DOCK6: variants seen among roughly 807,000 people sequenced by gnomAD.
The protein encoded by DOCK6 is dedicator of cytokinesis protein 6.
A neutral mutation model predicts 230.3 loss-of-function variants in DOCK6; 167 were observed. The observed-to-expected ratio is 0.73, with a 90% CI of 0.64 to 0.82. DOCK6 has a LOEUF of 0.82. Among genes scored for constraint, DOCK6 ranks in the 40% least tolerant of loss-of-function variants. The pLI, the probability that DOCK6 is intolerant of heterozygous loss-of-function variation, is 0.00. For synonymous variants in DOCK6, 1,148 were observed against 1,185.0 expected (o/e 0.97, Z 0.64); for missense variants, 2,598 against 2,825.8 (o/e 0.92, Z 1.83).
At chr19:11,246,251 A>G (rs1296458380) in intron 7 of DOCK6, among the ~76,000 whole-genome samples, 1 of 150,966 alleles carries the variant, frequency 6.6e-6, no homozygotes, top group Non-Finnish European at 1.5e-5. Flanking sequence ...TGTTTTTAGT[A>G]GAGACAGGGT....
Position 11,262,442 on chromosome 19 carries a change from G to A in DOCK6, c.-2C>T, listed in dbSNP as rs1233745552. ...GGCGCGGCGCTCGGAGGCAGCCATG[G>A]TCCTCGCGTCCCGCCGCCGCCGCCC... On this transcript the variant is annotated 5_prime_UTR_variant, in exon 1 of 48. Transcript: ENST00000294618. 2.5e-6 allele frequency: 3 copies of A among 1,204,342 alleles called. No individual in the cohort carries two copies. The highest frequency in any genetic ancestry group is 3.1e-6 in the Non-Finnish European group (3 of 971,774). The allele number at this position is 1,204,342 out of a possible 1,614,324, so 74.6% of individuals were successfully genotyped here.
In DOCK6 at chr19:11,236,610, C is replaced by A; in HGVS notation, c.2161-33G>T. On this transcript the variant is annotated intron_variant, in intron 19 of 47. Coordinates refer to ENST00000294618, the MANE Select transcript of DOCK6 (RefSeq NM_020812.4). The surrounding 1 kb of genome is among the most constrained non-coding windows in gnomAD (Gnocchi z 5.2). The stretch of plus-strand genomic sequence containing the variant: ...GGGATGTGGAGTGAGCAGGGTGGGG[C>A]CTCAGGGAATGAAGACCACCCCTGC... 1.3e-6 allele frequency: 2 copies of A among 1,541,196 alleles called. No homozygotes were observed. Among genetic ancestry groups the A allele is most frequent in the East Asian group, 2.4e-5 (1 of 41,108 alleles).
rs888732523 is a variant in DOCK6 at position 11,218,915 on chromosome 19, G to C, written c.3551-1524C>G. ...TTTTTTTGAGGCGGAGTCTCACTCT[G>C]TTGCCCAGGCTGGAGTGCAGTAGAA... On this transcript the variant is annotated intron_variant, in intron 28 of 47. Coordinates refer to ENST00000294618, the MANE Select transcript of DOCK6 (RefSeq NM_020812.4). 4.5e-5 allele frequency among the ~76,000 whole-genome samples: 5 copies of C among 112,088 alleles called. No individual in the cohort carries two copies. The Admixed American group carries it at 6.5e-4, about 15-fold the overall frequency. 73.5% of individuals were successfully genotyped at this position (112,088 alleles called of 152,430 possible).
At chr19:11,218,721 T>G (rs568286171) in intron 28 of DOCK6, among the ~76,000 whole-genome samples, 2 of 152,138 alleles carry the variant, frequency 1.3e-5, no homozygotes, top group East Asian at 3.9e-4. Flanking sequence ...GTGCTGGGAT[T>G]ACAGGTATGA....
intron 6 of DOCK6, among the ~76,000 whole-genome samples, chr19:11,248,672 C>T (rs748259107): frequency 3.9e-5 from 6 of 152,090 alleles, no homozygotes; most frequent in South Asian, 2.1e-4. Context: ...CACTGAGGAC[C>T]GTGTGAGGGA....
At chr19:11,215,295 C>T (rs2079464500) in intron 32 of DOCK6, 92 bp downstream of exon 32, 1 of 1,178,280 alleles carries the variant, frequency 8.5e-7, no homozygotes. Context: ...CTATGTTGCC[C>T]AGGCTGGTCT....
At chr19:11,231,962 T>G (rs1204159730) in intron 22 of DOCK6, among the ~76,000 whole-genome samples, 1 of 152,204 alleles carries the variant, frequency 6.6e-6, no homozygotes, top group Admixed American at 6.5e-5. Context: ...CCCCTGTGCC[T>G]TCTGTCTCCA....
Position 11,202,432 on chromosome 19 carries a change from A to T in DOCK6, c.5413T>A (p.Ser1805Thr). 1 of 1,613,804 alleles carries T rather than the reference A, an allele frequency of 6.2e-7. No homozygotes were observed. The highest frequency in any genetic ancestry group is 8.5e-7 in the Non-Finnish European group (1 of 1,179,822). The change falls in exon 43 of 48, where the codon TCT becomes ACT. Residue 1805 changes from serine to threonine, a missense_variant. Coordinates refer to ENST00000294618, the MANE Select transcript of DOCK6 (RefSeq NM_020812.4). This position sits in a 1 kb window ranked among gnomAD's most constrained non-coding sequence, Gnocchi z 5.3. ...AGCTTGGACTTGTCCACAGGGTTAG[A>T]GTCTTTGATAATCTCAACGACGTCG... ...GDDVVEIIKD[S>T]NPVDKSKLDS...
intron 9 of DOCK6, among the ~76,000 whole-genome samples, chr19:11,244,746 A>G (rs1163462466): frequency 1.3e-5 from 2 of 152,006 alleles, no homozygotes; most frequent in African/African-American, 4.8e-5. Context: ...GGCGTGAGCC[A>G]CCGCGCCCAG....
chr19:11,256,686 T>C (rs2080202858), intron 1 of DOCK6, among the ~76,000 whole-genome samples: 1 of 152,186 alleles, frequency 6.6e-6, no homozygotes, highest in South Asian at 2.1e-4. Context: ...AAATTTTATT[T>C]ATTTTTTTGA....
intron 1 of DOCK6, among the ~76,000 whole-genome samples, chr19:11,254,683 A>G (rs1446700725): frequency 7.0e-6 from 1 of 143,796 alleles, no homozygotes; most frequent in Admixed American, 6.9e-5. Context: ...CTTTGTCTCG[A>G]AAAAAAAAAA....
intron 14 of DOCK6, chr19:11,241,483 C>T: frequency 6.4e-7 from 1 of 1,552,450 alleles, no homozygotes; most frequent in Non-Finnish European, 8.7e-7. Context: ...TATGGGCCCT[C>T]ACAGGCCACG....
At chr19:11,239,378 GTC>G (rs988988161) in intron 14 of DOCK6, among the ~76,000 whole-genome samples, 1 of 152,154 alleles carries the variant, frequency 6.6e-6, no homozygotes, top group African/African-American at 2.4e-5. Flanking sequence ...AGCATGGTGA[GTC>G]TCAGGAACTC....
At position 11,243,470 on chromosome 19, in the gene DOCK6, C is replaced by T; in HGVS notation, c.1259-85G>A. 5 of 1,545,366 alleles carry T rather than the reference C, an allele frequency of 3.2e-6. No individual in the cohort carries two copies. Among genetic ancestry groups the T allele is most frequent in the Non-Finnish European group, 4.4e-6 (5 of 1,146,552 alleles). On this transcript the variant is annotated intron_variant, in intron 11 of 47. Transcript: ENST00000294618. The surrounding 1 kb of genome is among the most constrained non-coding windows in gnomAD (Gnocchi z 6.3). Reference sequence around the variant, plus strand: ...GCGGCACAGTTCGGCCAGCAGAGGGCGCACCCCCTCGCCCCGTAGCCCCGC... The same window carrying T: ...GCGGCACAGTTCGGCCAGCAGAGGGTGCACCCCCTCGCCCCGTAGCCCCGC...
In DOCK6 at chr19:11,200,518, A is replaced by G; in HGVS notation, c.5940-49T>C. 6.3e-7 allele frequency: 1 copy of G among 1,587,740 alleles called. No homozygotes were observed. Among genetic ancestry groups the G allele is most frequent in the Non-Finnish European group, 8.6e-7 (1 of 1,167,546 alleles). ...GCTCAGAGACTCGCACACGGGACTG[A>G]AAGCAAGACTAGGGGTGGGGGCACC... On this transcript the variant is annotated intron_variant, in intron 46 of 47. Transcript: ENST00000294618. This position sits in a 1 kb window ranked among gnomAD's most constrained non-coding sequence, Gnocchi z 4.3.
chr19:11,208,872 C>T (rs781212745), intron 38 of DOCK6, 39 bp downstream of exon 38: 1 of 1,599,370 alleles, frequency 6.3e-7, no homozygotes, highest in Admixed American at 1.7e-5. Context: ...CCCCACTGCA[C>T]TCGTGCCGTC....
chr19:11,208,560 T>G (rs12461903), intron 39 of DOCK6, 126 bp downstream of exon 39: 123 of 1,369,498 alleles, frequency 9.0e-5, no homozygotes, highest in Admixed American at 8.4e-4. Context: ...GTTACAGGCG[T>G]GAGCCACCGC....
Position 11,243,576 on chromosome 19 carries a change from C to T in DOCK6, c.1239G>A (p.Arg413=), listed in dbSNP as rs1229881922. 1 of 1,606,840 alleles carries T rather than the reference C, an allele frequency of 6.2e-7. No homozygotes were observed. The highest frequency in any genetic ancestry group is 8.5e-7 in the Non-Finnish European group (1 of 1,177,568). ...NIVSSAGQLD[R]DSDSEGERRP... ...CCTCACCGCCCTCCGAGTCAGAGTC[C>T]CGGTCCAGCTGCCCAGCGCTGCTCA... The change falls in exon 11 of 48, where the codon CGG becomes CGA. Residue 413 remains arginine (R), a synonymous_variant. Transcript: ENST00000294618. The surrounding 1 kb of genome is among the most constrained non-coding windows in gnomAD (Gnocchi z 6.3).
At chr19:11,239,048 C>T (rs956226269) in intron 14 of DOCK6, 1 of 158,114 alleles carries the variant, frequency 6.3e-6, no homozygotes, top group Non-Finnish European at 1.4e-5. Flanking sequence ...AACATCACCG[C>T]CATTTTACAA....
Sources: allele counts gnomAD v4.1 joint callset (sites outside exome capture counted in the v4.1 genomes callset), GRCh38; gene constraint gnomAD v4.1.1; non-coding constraint Gnocchi (gnomAD v3.1); transcripts MANE v1.5; gene names NCBI Gene and HGNC (gene_info 2026-07-23, HGNC 2026-07-21).